Variants in SLC26A3 observed in about 807,000 individuals in gnomAD.
SLC26A3 encodes chloride anion exchanger.
A neutral mutation model predicts 85.6 loss-of-function variants in SLC26A3; 64 were observed. The ratio of observed to expected loss-of-function variants is 0.75; its 90% CI spans 0.61 to 0.92. The LOEUF (loss-of-function observed/expected upper bound fraction) is 0.92. Among genes scored for constraint, SLC26A3 ranks in the 40% least tolerant of loss-of-function variants. SLC26A3 has a pLI of 0.00. For synonymous variants in SLC26A3, 349 were observed against 336.0 expected, an observed-to-expected ratio of 1.04 and a Z score of -0.42; for missense variants, 922 against 927.3, an observed-to-expected ratio of 0.99 and a Z score of 0.07.
At chr7:107,776,283 C>A in intron 15 of SLC26A3, 169 bp downstream of exon 15, 1 of 662,538 alleles carries the variant, frequency 1.5e-6, no homozygotes, top group Non-Finnish European at 2.7e-6. Context: ...TAACAAACTC[C>A]CCATAAGGTA....
intron 8 of SLC26A3, among the ~76,000 whole-genome samples, chr7:107,785,974 A>G (rs1794288525): frequency 6.6e-6 from 1 of 152,230 alleles, no homozygotes; most frequent in South Asian, 2.1e-4. Flanking sequence ...TGGTTAGAAG[A>G]AACAACACAA....
intron 13 of SLC26A3, among the ~76,000 whole-genome samples, chr7:107,776,984 T>C (rs2115823451): frequency 6.6e-6 from 1 of 152,342 alleles, no homozygotes; most frequent in South Asian, 2.1e-4. Context: ...ATCACAGTTA[T>C]TCCATGAGGT....
chr7:107,799,231 C>A (rs902042236), intron 1 of SLC26A3, among the ~76,000 whole-genome samples: 1 of 152,114 alleles, frequency 6.6e-6, no homozygotes, highest in Non-Finnish European at 1.5e-5. Context: ...GCCGAAGATG[C>A]TGAAGAAGGA....
intron 4 of SLC26A3, 147 bp downstream of exon 4, chr7:107,791,683 C>T (rs1168893687): frequency 1.9e-6 from 1 of 528,484 alleles, no homozygotes; most frequent in Non-Finnish European, 3.5e-6. Context: ...ACCCTGCCCT[C>T]CATCTCAAAC....
chr7:107,772,145 GT>G, intron 17 of SLC26A3, 37 bp from the exon 18 acceptor site: 1 of 1,175,526 alleles, frequency 8.5e-7, no homozygotes, highest in Non-Finnish European at 1.3e-6. Context: ...TTAGGGAACA[GT>G]TTCACTTGTC....
At chr7:107,789,772 A>T in intron 5 of SLC26A3, 84 bp from the exon 6 acceptor site, 5 of 1,398,072 alleles carry the variant, frequency 3.6e-6, no homozygotes, top group Non-Finnish European at 4.9e-6. Flanking sequence ...AAATAATATT[A>T]CACAAAACGT....
At chr7:107,794,345 A>G (rs1794458152) in intron 2 of SLC26A3, 34 bp downstream of exon 2, 1 of 1,612,052 alleles carries the variant, frequency 6.2e-7, no homozygotes, top group Admixed American at 1.7e-5. Context: ...TCAAAAATGT[A>G]TTCCTAATGC....
Position 107,769,952 on chromosome 7 carries a change from C to A in SLC26A3, c.2063-2044G>T, listed in dbSNP as rs938915037. Among the ~76,000 whole-genome samples, 5 of 151,946 alleles carry A rather than the reference C, an allele frequency of 3.3e-5. No homozygotes were observed. In the East Asian group the frequency reaches 9.7e-4, roughly 29 times the overall value. ...TCATATTGCTGGACATCCCTGATCA[C>A]CAGTTTTTCTTTCTGCCTCCCTCCC... On this transcript the variant is annotated intron_variant, in intron 18 of 20. Coordinates refer to ENST00000340010, the MANE Select transcript of SLC26A3 (RefSeq NM_000111.3).
intron 16 of SLC26A3, 84 bp downstream of exon 16, chr7:107,774,693 A>G: frequency 1.0e-6 from 1 of 996,782 alleles, no homozygotes; most frequent in Non-Finnish European, 1.6e-6. Flanking sequence ...CTGGCATTTC[A>G]TTTAAAGGAA....
chr7:107,791,291 T>G (rs1794397570), intron 4 of SLC26A3, 56 bp from the exon 5 acceptor site: 1 of 1,532,340 alleles, frequency 6.5e-7, no homozygotes, highest in Admixed American at 1.7e-5. Flanking sequence ...GCACATTGTC[T>G]TTCAACCACA....
chr7:107,788,557 T>C (rs1176303094), intron 6 of SLC26A3, among the ~76,000 whole-genome samples: 1 of 152,074 alleles, frequency 6.6e-6, no homozygotes, highest in Non-Finnish European at 1.5e-5. Context: ...AAATAAGATT[T>C]TAAGAAACAG....
In SLC26A3 at chr7:107,800,827, G is replaced by A. The variant is rs117412720; in HGVS notation, c.-89+2284C>T. ...TTGGAGTTAGGAAGGTTTTGTGAAG[G>A]AACTGTGAGTCTTGTGTTAGACTTT... is the stretch of plus-strand genomic sequence containing the variant. On this transcript the variant is annotated intron_variant, in intron 1 of 20. Coordinates refer to ENST00000340010, the MANE Select transcript of SLC26A3 (RefSeq NM_000111.3). Among the ~76,000 whole-genome samples the A allele has an allele frequency of 4.8e-3, 729 of 152,374 alleles. 7 individuals carry two copies. The highest frequency in any genetic ancestry group is 0.028 in the South Asian group (135 of 4,832).
chr7:107,786,604 T>TG (rs1280257136), intron 8 of SLC26A3, among the ~76,000 whole-genome samples: 2 of 136,420 alleles, frequency 1.5e-5, no homozygotes, highest in Non-Finnish European at 3.1e-5. Context: ...GCATTCACTG[T>TG]GGGGAGGCGA....
Position 107,783,497 on chromosome 7 carries a change from C to T in SLC26A3, c.972-145G>A, listed in dbSNP as rs143279170. Reference sequence around the variant, plus strand: ...ATTAACGAGAATTTAGCTCCACTAACAATTTTGCAATCTGCTTTCTTAATG... The same window carrying T: ...ATTAACGAGAATTTAGCTCCACTAATAATTTTGCAATCTGCTTTCTTAATG... On this transcript the variant is annotated intron_variant, in intron 8 of 20. Transcript: ENST00000340010. 30 of 930,072 alleles carry T rather than the reference C, an allele frequency of 3.2e-5. No homozygotes were observed. In the Middle Eastern group the frequency reaches 8.4e-4, roughly 26 times the overall value. 57.6% of individuals were successfully genotyped at this position (930,072 alleles called of 1,614,324 possible).
chr7:107,778,359 A>ATTTTTTTTT (rs1794155924), intron 12 of SLC26A3, 78 bp from the exon 13 acceptor site: 5 of 453,102 alleles, frequency 1.1e-5, no homozygotes, highest in African/African-American at 6.5e-5. Context: ...TTTTAAAAAG[A>ATTTTTTTTT]CTTTTTTTTT....
At chr7:107,771,977 A>T (rs1315567729) in intron 18 of SLC26A3, 77 bp downstream of exon 18, 2 of 944,202 alleles carry the variant, frequency 2.1e-6, no homozygotes, top group Non-Finnish European at 3.5e-6. Flanking sequence ...CATTCTTTGG[A>T]GAGGCTGTCT....
At chr7:107,779,563 A>G in intron 12 of SLC26A3, 105 bp downstream of exon 12, 1 of 947,192 alleles carries the variant, frequency 1.1e-6, no homozygotes, top group Non-Finnish European at 1.7e-6. Flanking sequence ...ACAGATATAT[A>G]GAAACAAAAT....
chr7:107,793,922 A>G (rs374247167), intron 2 of SLC26A3, 41 bp from the exon 3 acceptor site: 1 of 1,613,796 alleles, frequency 6.2e-7, no homozygotes, highest in South Asian at 1.1e-5. Flanking sequence ...ATTAATATCA[A>G]ATTTTAAGTT....
At position 107,774,652 on chromosome 7, in the gene SLC26A3, C is replaced by T. The variant is rs536607604; in HGVS notation, c.1773+125G>A. 1.0e-4 allele frequency: 78 copies of T among 767,708 alleles called. 1 individual carries two copies. In the African/African-American group the frequency reaches 1.1e-3, roughly 11 times the overall value. The allele number at this position is 767,708 out of a possible 1,614,324, so 47.6% of individuals were successfully genotyped here. On this transcript the variant is annotated intron_variant, in intron 16 of 20. Coordinates refer to ENST00000340010, the MANE Select transcript of SLC26A3 (RefSeq NM_000111.3). ...AGAAGGATGTCATTTTAAAATATAA[C>T]ACTCATTGACACATGAAATCCCTTG...
Sources: allele counts gnomAD v4.1 joint callset (sites outside exome capture counted in the v4.1 genomes callset), GRCh38; gene constraint gnomAD v4.1.1; transcripts MANE v1.5; gene names NCBI Gene and HGNC (gene_info 2026-07-23, HGNC 2026-07-21).